KIF5C: variants seen among roughly 807,000 people sequenced by gnomAD.
KIF5C encodes kinesin heavy chain isoform 5C.
Under a neutral mutation model 125.2 loss-of-function variants are expected in KIF5C, and 18 were observed. The observed-to-expected ratio is 0.14, with a 90% CI of 0.10 to 0.21. The LOEUF (loss-of-function observed/expected upper bound fraction) is 0.21. Among genes scored for constraint, KIF5C ranks in the 10% least tolerant of loss-of-function variants. The probability of loss-of-function intolerance (pLI) is 1.00; values close to 1 mark genes in which losing one functional copy is unlikely to be tolerated. For missense variants in KIF5C, 780 were observed against 1,183.8 expected, an observed-to-expected ratio of 0.66 and a Z score of 5.01; for synonymous variants, 405 against 434.0, an observed-to-expected ratio of 0.93 and a Z score of 0.83.
chr2:148,880,524 T>A (rs988020481), intron 1 of KIF5C, among the ~76,000 whole-genome samples: 7 of 152,216 alleles, frequency 4.6e-5, no homozygotes, highest in African/African-American at 4.8e-5. Context: ...TATCCAGGAA[T>A]GGGATTGCTG....
At chr2:148,928,162 A>T (rs750600204) in intron 2 of KIF5C, among the ~76,000 whole-genome samples, 1 of 152,204 alleles carries the variant, frequency 6.6e-6, no homozygotes, top group African/African-American at 2.4e-5. Flanking sequence ...TCAAAGCAAA[A>T]CAAAAACAAA....
intron 1 of KIF5C, among the ~76,000 whole-genome samples, chr2:148,916,128 G>A (rs1681540377): frequency 6.6e-6 from 1 of 152,156 alleles, no homozygotes; most frequent in Non-Finnish European, 1.5e-5. Flanking sequence ...AGCTGACTGT[G>A]GGAGGTTAGA....
At chr2:148,963,666 T>C (rs1574793078) in intron 11 of KIF5C, among the ~76,000 whole-genome samples, 2 of 152,240 alleles carry the variant, frequency 1.3e-5, no homozygotes. Context: ...GGAGTAGCCA[T>C]ATGAAGTTTT....
intron 1 of KIF5C, among the ~76,000 whole-genome samples, chr2:148,882,192 ACTCTGAG>A (rs1558870081): frequency 6.6e-6 from 1 of 151,970 alleles, no homozygotes; most frequent in East Asian, 1.9e-4. Flanking sequence ...GCCAGGATGA[ACTCTGAG>A]CTCTGAGCTC....
chr2:148,887,989 G>A (rs1199046119), intron 1 of KIF5C, among the ~76,000 whole-genome samples: 2 of 151,558 alleles, frequency 1.3e-5, no homozygotes, highest in Non-Finnish European at 2.9e-5. Flanking sequence ...CTGCGACCCC[G>A]CGGGTCCCCG....
Position 149,022,040 on chromosome 2 carries a change from G to A in KIF5C, c.*8-1038G>A, listed in dbSNP as rs558133563. ...CCTGGAGATGCGCCCAGCACCAGCCGAACTTCTGGTGGGAAGTGGAATGAA... is the reference window on the plus strand; with the variant it reads ...CCTGGAGATGCGCCCAGCACCAGCCAAACTTCTGGTGGGAAGTGGAATGAA... On this transcript the variant is annotated intron_variant, in intron 25 of 25. Transcript: ENST00000435030. Among the ~76,000 whole-genome samples the A allele has an allele frequency of 2.5e-3, 385 of 152,204 alleles. 3 individuals are homozygous for A. Among genetic ancestry groups the A allele is most frequent in the African/African-American group, 6.6e-3 (276 of 41,516 alleles).
At position 149,025,231 on chromosome 2, in the gene KIF5C, T is replaced by C. The variant is rs762487470; in HGVS notation, c.*2161T>C. On this transcript the variant is annotated 3_prime_UTR_variant, in exon 26 of 26. Transcript: ENST00000435030. The stretch of plus-strand genomic sequence containing the variant: ...GGGACTGACAACATTTGCTTTACTT[T>C]TATTCACAGAGAAAGTTGGCTTTGA... The C allele has an allele frequency of 7.2e-5, 11 of 152,688 alleles. No individual in the cohort carries two copies. Among genetic ancestry groups the C allele is most frequent in the Admixed American group, 6.5e-5 (1 of 15,290 alleles). 9.5% of individuals were successfully genotyped at this position (152,688 alleles called of 1,614,324 possible).
In KIF5C at chr2:148,937,313, G is replaced by T; in HGVS notation, c.321G>T (p.Gly107=). ...AGCTGCATGACCCCCAGCTCATGGG[G>T]ATCATCCCACGAATTGCCCATGATA... ...EGKLHDPQLM[G]IIPRIAHDIF... The change falls in exon 4 of 26, where the codon GGG becomes GGT. Residue 107 remains glycine (G), a synonymous_variant. Coordinates refer to ENST00000435030, the MANE Select transcript of KIF5C (RefSeq NM_004522.3). The T allele has an allele frequency of 6.2e-7, 1 of 1,601,224 alleles. No homozygotes were observed. The highest frequency in any genetic ancestry group is 2.2e-5 in the East Asian group (1 of 44,566).
At chr2:148,881,719 CT>C (rs1681361989) in intron 1 of KIF5C, among the ~76,000 whole-genome samples, 6 of 151,612 alleles carry the variant, frequency 4.0e-5, no homozygotes, top group African/African-American at 9.8e-5. Context: ...GTCCTTACCT[CT>C]AAATCATCGT....
At chr2:148,919,280 A>G (rs1681687217) in intron 1 of KIF5C, among the ~76,000 whole-genome samples, 1 of 152,188 alleles carries the variant, frequency 6.6e-6, no homozygotes, top group Non-Finnish European at 1.5e-5. Flanking sequence ...AACGCCAGCA[A>G]AGGACATTGA....
intron 15 of KIF5C, among the ~76,000 whole-genome samples, chr2:148,985,070 T>TGGGAATACA (rs1368359616): frequency 1.3e-4 from 20 of 152,122 alleles, no homozygotes; most frequent in Non-Finnish European, 2.9e-5. Flanking sequence ...CCCAAAGTGC[T>TGGGAATACA]GGGAATACAG....
intron 8 of KIF5C, among the ~76,000 whole-genome samples, chr2:148,947,740 C>T (rs1321681113): frequency 1.3e-5 from 2 of 152,198 alleles, no homozygotes; most frequent in African/African-American, 4.8e-5. Flanking sequence ...CTTCTGCTGC[C>T]ACACCCTGTC....
At chr2:148,966,351 TGTG>T (rs1558922117) in intron 11 of KIF5C, among the ~76,000 whole-genome samples, 3 of 149,490 alleles carry the variant, frequency 2.0e-5, no homozygotes, top group Non-Finnish European at 4.4e-5. Context: ...TGTGTGTGTG[TGTG>T]CGCGCGCGCA....
intron 19 of KIF5C, 83 bp downstream of exon 19, chr2:148,998,592 G>A: frequency 1.3e-6 from 2 of 1,533,884 alleles, no homozygotes; most frequent in Non-Finnish European, 8.8e-7. Context: ...GTGGCTCTTA[G>A]TCGAGGGCCC....
chr2:149,008,747 G>C (rs1309190757), intron 23 of KIF5C, among the ~76,000 whole-genome samples: 1 of 152,070 alleles, frequency 6.6e-6, no homozygotes, highest in African/African-American at 2.4e-5. Context: ...TGATGGAAAC[G>C]GCCCAAGTTT....
intron 4 of KIF5C, among the ~76,000 whole-genome samples, chr2:148,940,168 G>A (rs1682374746): frequency 6.6e-6 from 1 of 152,180 alleles, no homozygotes; most frequent in Non-Finnish European, 1.5e-5. Context: ...AACCAGGGTG[G>A]AGTTGGCTGC....
chr2:148,995,284 C>A (rs1176024588), intron 17 of KIF5C, among the ~76,000 whole-genome samples: 2 of 152,200 alleles, frequency 1.3e-5, no homozygotes, highest in Non-Finnish European at 2.9e-5. Context: ...CTCTCTCTGT[C>A]CAAACGGACA....
intron 4 of KIF5C, among the ~76,000 whole-genome samples, chr2:148,938,532 T>G (rs1682339106): frequency 6.6e-6 from 1 of 152,156 alleles, no homozygotes; most frequent in Non-Finnish European, 1.5e-5. Context: ...TGGCAGCTGC[T>G]GCTCCACCAT....
At chr2:148,908,335 G>A (rs1681196339) in intron 1 of KIF5C, among the ~76,000 whole-genome samples, 1 of 152,154 alleles carries the variant, frequency 6.6e-6, no homozygotes, top group Non-Finnish European at 1.5e-5. Flanking sequence ...TCTACCATTA[G>A]GGATGATGGA....
Sources: gnomAD v4.1 joint callset for allele counts (sites outside exome capture counted in the v4.1 genomes callset) on GRCh38, gnomAD v4.1.1 for gene constraint, MANE v1.5 for transcripts, NCBI Gene and HGNC (gene_info 2026-07-23, HGNC 2026-07-21) for gene names.